The following MAP2K4 variants were observed in gnomAD, a reference collection of about 807,000 sequenced individuals.
MAP2K4 encodes mitogen-activated protein kinase kinase 4, also known as dual specificity mitogen-activated protein kinase kinase 4.
In MAP2K4, 4 loss-of-function variants were observed where a neutral mutation model predicts 48.5. That is an observed-to-expected ratio of 0.08 (90% CI 0.04 to 0.19). The LOEUF is 0.19. Among genes scored for constraint, MAP2K4 ranks in the 10% least tolerant of loss-of-function variants. MAP2K4 has a pLI of 1.00. For missense variants in MAP2K4, 258 were observed against 493.3 expected (o/e 0.52, Z 4.52); for synonymous variants, 166 against 173.1 (o/e 0.96, Z 0.32).
chr17:12,093,097 C>G (rs1354331423), intron 3 of MAP2K4, among the ~76,000 whole-genome samples: 3 of 152,306 alleles, frequency 2.0e-5, no homozygotes, highest in East Asian at 3.9e-4. Flanking sequence ...ACTTTTCTAC[C>G]TACTGCCAGA....
rs116305082 is a variant in MAP2K4 at position 12,025,637 on chromosome 17, C to T, written c.115+4636C>T. ...ATTTACAGAAAACTTTGTGACCAGTCGAGTCCTTAGCTATTTACCCTTAGC... is the reference window on the plus strand; with the variant it reads ...ATTTACAGAAAACTTTGTGACCAGTTGAGTCCTTAGCTATTTACCCTTAGC... On this transcript the variant is annotated intron_variant, in intron 1 of 10. Transcript: ENST00000353533. Among the ~76,000 whole-genome samples, 1,144 of 152,210 alleles carry T rather than the reference C, an allele frequency of 7.5e-3. 12 individuals are homozygous for T. The highest frequency in any genetic ancestry group is 0.025 in the African/African-American group (1,025 of 41,520).
At chr17:12,052,542 T>G (rs1319202460) in intron 1 of MAP2K4, among the ~76,000 whole-genome samples, 1 of 152,244 alleles carries the variant, frequency 6.6e-6, no homozygotes, top group Non-Finnish European at 1.5e-5. Flanking sequence ...CAAATTGGGC[T>G]TTCTAAGAAA....
In MAP2K4 at chr17:12,048,200, C is replaced by T. The variant is rs561331442; in HGVS notation, c.116-6689C>T. On this transcript the variant is annotated intron_variant, in intron 1 of 10. Transcript: ENST00000353533. ...TCTTTTTAATTTTTTGGCAGAATGC[C>T]CAACGAAACAGTCTTTGTGGAGGGG... 3.9e-5 allele frequency among the ~76,000 whole-genome samples: 6 copies of T among 152,172 alleles called. No individual in the cohort carries two copies. In the South Asian group the frequency reaches 8.3e-4, roughly 21 times the overall value.
chr17:12,128,107 T>G (rs996331332), intron 8 of MAP2K4, among the ~76,000 whole-genome samples: 1 of 152,216 alleles, frequency 6.6e-6, no homozygotes, highest in African/African-American at 2.4e-5. Context: ...AGATGGAGTC[T>G]CTCTCTGTCC....
At chr17:12,111,748 T>C (rs1246726475) in intron 6 of MAP2K4, among the ~76,000 whole-genome samples, 2 of 152,162 alleles carry the variant, frequency 1.3e-5, no homozygotes, top group African/African-American at 4.8e-5. Flanking sequence ...TTACAAGTAA[T>C]AGAAAATCCT....
intron 1 of MAP2K4, chr17:12,021,227 T>C (rs1969029927): frequency 9.9e-6 from 3 of 303,234 alleles, no homozygotes; most frequent in South Asian, 3.2e-4. Context: ...CTGCCTGCGC[T>C]TGGCCCCTGG....
chr17:12,113,070 T>A (rs1194498098), intron 6 of MAP2K4, 163 bp from the exon 7 acceptor site: 2 of 522,736 alleles, frequency 3.8e-6, no homozygotes, highest in African/African-American at 3.8e-5. Context: ...CATGAATAAT[T>A]ATTGTATGTG....
chr17:12,114,229 A>T (rs938491321), intron 7 of MAP2K4, among the ~76,000 whole-genome samples: 2 of 152,236 alleles, frequency 1.3e-5, no homozygotes, highest in Non-Finnish European at 2.9e-5. Flanking sequence ...ATAATAAAAA[A>T]GTAAGAGTCA....
chr17:12,023,977 G>A (rs1291900953), intron 1 of MAP2K4, among the ~76,000 whole-genome samples: 1 of 152,000 alleles, frequency 6.6e-6, no homozygotes, highest in Non-Finnish European at 1.5e-5. Context: ...CTCATTAATG[G>A]TCCCTTTTAC....
intron 1 of MAP2K4, among the ~76,000 whole-genome samples, chr17:12,043,850 T>C (rs1969873510): frequency 6.6e-6 from 1 of 152,124 alleles, no homozygotes; most frequent in Admixed American, 6.5e-5. Flanking sequence ...TAGGTAGGCA[T>C]GATTGATTGT....
At chr17:12,043,840 T>A (rs1476753382) in intron 1 of MAP2K4, among the ~76,000 whole-genome samples, 1 of 152,062 alleles carries the variant, frequency 6.6e-6, no homozygotes, top group Admixed American at 6.6e-5. Flanking sequence ...GAGGTTTTAT[T>A]AGGTAGGCAT....
intron 4 of MAP2K4, among the ~76,000 whole-genome samples, chr17:12,096,406 T>C (rs1012446151): frequency 6.6e-6 from 1 of 152,232 alleles, no homozygotes; most frequent in South Asian, 2.1e-4. Context: ...CTGCCTAAAA[T>C]GTGGAAGTGA....
intron 2 of MAP2K4, among the ~76,000 whole-genome samples, chr17:12,079,519 A>G (rs1483361031): frequency 1.3e-5 from 2 of 152,142 alleles, no homozygotes; most frequent in African/African-American, 4.8e-5. Context: ...GCCTACACAA[A>G]AATACGAACA....
chr17:12,035,720 G>A (rs1034462727), intron 1 of MAP2K4, among the ~76,000 whole-genome samples: 2 of 152,162 alleles, frequency 1.3e-5, no homozygotes, highest in East Asian at 1.9e-4. Context: ...AGTTGTAGGA[G>A]GGTATGGGGC....
At chr17:12,099,318 A>G (rs12162157) in intron 4 of MAP2K4, among the ~76,000 whole-genome samples, 25,552 of 151,716 alleles carry the variant, frequency 0.17, 2,531 homozygotes, top group South Asian at 0.3. Flanking sequence ...TGATTCTGTG[A>G]CTTTGCTATT....
At chr17:12,050,443 G>A (rs1444055904) in intron 1 of MAP2K4, among the ~76,000 whole-genome samples, 1 of 152,124 alleles carries the variant, frequency 6.6e-6, no homozygotes. Context: ...AGTGTAAAGT[G>A]TTTCTTCCTG....
intron 4 of MAP2K4, among the ~76,000 whole-genome samples, chr17:12,104,974 T>TCATTG (rs1385693806): frequency 6.6e-6 from 1 of 152,194 alleles, no homozygotes; most frequent in Non-Finnish European, 1.5e-5. Context: ...CCAGCAGCAT[T>TCATTG]CATTGAATAA....
In MAP2K4 at chr17:12,141,337, G is replaced by A. The variant is rs1447077528; in HGVS notation, c.*77G>A. 2.9e-6 allele frequency: 3 copies of A among 1,021,456 alleles called. No individual in the cohort carries two copies. The highest frequency in any genetic ancestry group is 1.3e-5 in the South Asian group (1 of 78,512). The allele number at this position is 1,021,456 out of a possible 1,614,324, so 63.3% of individuals were successfully genotyped here. A position where few individuals can be genotyped will look rare whatever the true frequency, so the allele number is the denominator to read the frequency against. On this transcript the variant is annotated 3_prime_UTR_variant, in exon 11 of 11. Transcript: ENST00000353533. ...TAAAGAATTTTCATCCCGTATCACA[G>A]TGTTTTTATTGCTCGCCCAGACACC...
chr17:12,066,329 C>T (rs1970615702), intron 2 of MAP2K4, among the ~76,000 whole-genome samples: 1 of 152,036 alleles, frequency 6.6e-6, no homozygotes, highest in Non-Finnish European at 1.5e-5. Flanking sequence ...CCAAAGATAA[C>T]CCTGTTAAAT....
Sources: gnomAD v4.1 joint callset for allele counts (sites outside exome capture counted in the v4.1 genomes callset) on GRCh38, gnomAD v4.1.1 for gene constraint, MANE v1.5 for transcripts, NCBI Gene and HGNC (gene_info 2026-07-23, HGNC 2026-07-21) for gene names.